The following CUL3 variants were observed in gnomAD, a reference collection of about 807,000 sequenced individuals.
CUL3 encodes cullin-3.
A neutral mutation model predicts 89.1 loss-of-function variants in CUL3; 19 were observed. The observed-to-expected ratio is 0.21, with a 90% CI of 0.15 to 0.31. The LOEUF (loss-of-function observed/expected upper bound fraction) is 0.31. Among genes scored for constraint, CUL3 ranks in the 10% least tolerant of loss-of-function variants. The pLI is 1.00. For synonymous variants in CUL3, 351 were observed against 308.4 expected (o/e 1.14, Z -1.45); for missense variants, 469 against 942.3 (o/e 0.50, Z 6.58).
chr2:224,546,501 T>C (rs1176979885), intron 2 of CUL3, among the ~76,000 whole-genome samples: 1 of 151,748 alleles, frequency 6.6e-6, no homozygotes, highest in East Asian at 1.9e-4. Flanking sequence ...TGAACCAAGG[T>C]GGTTTCCATT....
At chr2:224,533,131 G>A (rs1559184824) in intron 3 of CUL3, 2 of 152,210 alleles carry the variant, frequency 1.3e-5, no homozygotes, top group African/African-American at 4.8e-5. Flanking sequence ...AGTGTGAAGG[G>A]TTGACCACAG....
rs1414919327 is a variant in CUL3, at chr2:224,478,197, C to T, written c.2175+3G>A. The T allele has an allele frequency of 3.7e-6, 6 of 1,610,410 alleles. No individual in the cohort carries two copies. The highest frequency in any genetic ancestry group is 1.3e-5 in the African/African-American group (1 of 74,858). The stretch of plus-strand genomic sequence containing the variant: ...TATTAGCCCAGTAGTGAAGAGTCCT[C>T]ACCTCCGCTACTAGAACATTGTGCT... On this transcript the variant is annotated splice_donor_region_variant and intron_variant, in intron 15 of 15. Coordinates refer to ENST00000264414, the MANE Select transcript of CUL3 (RefSeq NM_003590.5).
chr2:224,548,906 G>C (rs1441063693), intron 2 of CUL3, among the ~76,000 whole-genome samples: 3 of 152,142 alleles, frequency 2.0e-5, no homozygotes, highest in Non-Finnish European at 2.9e-5. Context: ...GGAGGCTGAA[G>C]TGAGAGAATC....
At chr2:224,559,733 C>T (rs1177644708) in intron 1 of CUL3, among the ~76,000 whole-genome samples, 1 of 152,158 alleles carries the variant, frequency 6.6e-6, no homozygotes, top group Non-Finnish European at 1.5e-5. Flanking sequence ...AGTCTCAGTT[C>T]TCCTCTTACT....
chr2:224,493,115 A>G (rs1692045800), intron 13 of CUL3, among the ~76,000 whole-genome samples: 2 of 152,152 alleles, frequency 1.3e-5, no homozygotes, highest in Admixed American at 1.3e-4. Flanking sequence ...GAACTACCCA[A>G]CTGAGTATCT....
At chr2:224,545,284 C>G (rs774360448) in intron 2 of CUL3, among the ~76,000 whole-genome samples, 5 of 151,868 alleles carry the variant, frequency 3.3e-5, no homozygotes, top group Non-Finnish European at 5.9e-5. Flanking sequence ...TTTTAATTAA[C>G]TTTAATAATT....
At chr2:224,549,296 C>T (rs1195669852) in intron 2 of CUL3, among the ~76,000 whole-genome samples, 3 of 148,598 alleles carry the variant, frequency 2.0e-5, no homozygotes, top group Admixed American at 1.3e-4. Context: ...CCAGCCTGGG[C>T]GACAGCAAGA....
intron 2 of CUL3, among the ~76,000 whole-genome samples, chr2:224,538,868 C>G (rs546008578): frequency 1.3e-5 from 2 of 152,222 alleles, no homozygotes; most frequent in South Asian, 4.1e-4. Context: ...ACCCGAAGAG[C>G]TTTTACAAAC....
intron 14 of CUL3, chr2:224,478,690 T>C (rs1160609926): frequency 1.6e-5 from 3 of 187,820 alleles, no homozygotes; most frequent in African/African-American, 7.1e-5. Context: ...GGTCAATTGA[T>C]TATTTTATTA....
intron 13 of CUL3, among the ~76,000 whole-genome samples, chr2:224,494,647 A>G (rs1325079242): frequency 6.6e-6 from 1 of 152,080 alleles, no homozygotes; most frequent in Non-Finnish European, 1.5e-5. Flanking sequence ...ATTCGGTGGG[A>G]AAAAAATAGT....
intron 3 of CUL3, among the ~76,000 whole-genome samples, chr2:224,522,284 T>C (rs1693296106): frequency 6.6e-6 from 1 of 152,090 alleles, no homozygotes; most frequent in African/African-American, 2.4e-5. Flanking sequence ...AGCAGAAAAG[T>C]AGTAAAAAGT....
At position 224,502,463 on chromosome 2, in the gene CUL3, T is replaced by C. The variant is rs185506115; in HGVS notation, c.1485+502A>G. Among the ~76,000 whole-genome samples the C allele has an allele frequency of 5.3e-5, 8 of 152,312 alleles. No homozygotes were observed. The East Asian group carries it at 9.6e-4, about 18-fold the overall frequency. Reference sequence around the variant, plus strand: ...TTATACCAAACACATTTATAATACATTAATTTCTGTGTTTTTATAGTCTCA... The same window carrying C: ...TTATACCAAACACATTTATAATACACTAATTTCTGTGTTTTTATAGTCTCA... On this transcript the variant is annotated intron_variant, in intron 10 of 15. Transcript: ENST00000264414.
chr2:224,571,975 C>A (rs572409952), intron 1 of CUL3, among the ~76,000 whole-genome samples: 20 of 152,320 alleles, frequency 1.3e-4, no homozygotes, highest in African/African-American at 4.3e-4. Context: ...TCACACAGAG[C>A]AATGAAGGAG....
chr2:224,536,283 G>A lies in CUL3; in HGVS notation c.265-642C>T, dbSNP rs1277438768. On this transcript the variant is annotated intron_variant, in intron 2 of 15. Coordinates refer to ENST00000264414, the MANE Select transcript of CUL3 (RefSeq NM_003590.5). ...CCTCTTTACTAAATACAGCAACTGT[G>A]CTCTGCCATTCCTTCTGCCTCAATT... 4.6e-5 allele frequency among the ~76,000 whole-genome samples: 7 copies of A among 152,144 alleles called. No individual in the cohort carries two copies. The East Asian group carries it at 1.2e-3, about 25-fold the overall frequency.
At chr2:224,493,373 T>C (rs758422161) in intron 13 of CUL3, among the ~76,000 whole-genome samples, 12 of 152,206 alleles carry the variant, frequency 7.9e-5, no homozygotes, top group African/African-American at 1.4e-4. Flanking sequence ...CAACAGACTG[T>C]AGAGAAACAC....
chr2:224,515,747 G>A (rs1423780987), intron 3 of CUL3, among the ~76,000 whole-genome samples: 1 of 151,516 alleles, frequency 6.6e-6, no homozygotes, highest in African/African-American at 2.4e-5. Context: ...CTGGGCTGGA[G>A]TACAGTGGTG....
At chr2:224,474,810 G>A (rs1056473060) in intron 15 of CUL3, among the ~76,000 whole-genome samples, 1 of 152,176 alleles carries the variant, frequency 6.6e-6, no homozygotes, top group African/African-American at 2.4e-5. Context: ...GCCCACTGGT[G>A]TGTACACTAA....
chr2:224,496,086 A>T, intron 12 of CUL3, 120 bp from the exon 13 acceptor site: 1 of 1,086,974 alleles, frequency 9.2e-7, no homozygotes, highest in Non-Finnish European at 1.3e-6. Context: ...GCTACAGTGC[A>T]GTGGCGCAAA....
chr2:224,532,417 T>C (rs1389961863), intron 3 of CUL3, among the ~76,000 whole-genome samples: 1 of 149,946 alleles, frequency 6.7e-6, no homozygotes, highest in East Asian at 1.9e-4. Flanking sequence ...CAAGGAAACA[T>C]GTTAGAAGAA....
Sources: gnomAD v4.1 joint callset for allele counts (sites outside exome capture counted in the v4.1 genomes callset) on GRCh38, gnomAD v4.1.1 for gene constraint, MANE v1.5 for transcripts, NCBI Gene and HGNC (gene_info 2026-07-23, HGNC 2026-07-21) for gene names.